Variants in TACC3 observed in about 807,000 individuals in gnomAD.
TACC3 encodes the protein transforming acidic coiled-coil-containing protein 3.
A neutral mutation model predicts 86.0 loss-of-function variants in TACC3; 52 were observed. The ratio of observed to expected loss-of-function variants is 0.60; its 90% CI spans 0.48 to 0.76. The LOEUF is 0.76. Ranked by LOEUF, TACC3 falls within the 30% of genes least tolerant of loss-of-function variation. The probability of loss-of-function intolerance (pLI) is 0.00; values close to 1 mark genes in which losing one functional copy is unlikely to be tolerated. For synonymous variants in TACC3, 512 were observed against 430.0 expected (o/e 1.19, Z -2.36); for missense variants, 1,120 against 1,070.4 (o/e 1.05, Z -0.65).
At chr4:1,737,129 G>A (rs1383080594) in intron 8 of TACC3, 112 bp from the exon 9 acceptor site, 4 of 829,964 alleles carry the variant, frequency 4.8e-6, no homozygotes, top group Middle Eastern at 3.5e-4. Context: ...CCTGACTTGA[G>A]TGGTTTTAAA....
Position 1,744,949 on chromosome 4 carries a change from C to T in TACC3, c.2453C>T (p.Thr818Ile). 2 of 1,612,052 alleles carry T rather than the reference C, an allele frequency of 1.2e-6. No individual in the cohort carries two copies. The highest frequency in any genetic ancestry group is 2.2e-5 in the East Asian group (1 of 44,858). Residue 818 changes from threonine to isoleucine, a missense_variant and splice_region_variant, in exon 16 of 16, where the codon ACT becomes ATT. Transcript: ENST00000313288. ...CCGCAACTCATCTTCCTCCTCCAGA[C>T]TAAAGAGAACGAGGAGCTGACCAGG... The part of the protein sequence containing the change: ...QSLEKTVEQK[T>I]KENEELTRIC...
chr4:1,725,118 T>C (rs1341527711), intron 3 of TACC3, among the ~76,000 whole-genome samples: 2 of 151,704 alleles, frequency 1.3e-5, no homozygotes, highest in African/African-American at 4.8e-5. Context: ...TTTTAGTAAA[T>C]ATGGGGTTTA....
intron 3 of TACC3, 77 bp downstream of exon 3, chr4:1,723,947 G>A (rs1297446300): frequency 6.6e-7 from 1 of 1,512,912 alleles, no homozygotes; most frequent in Middle Eastern, 1.9e-4. Context: ...GTGCTGTCTT[G>A]TTCTATCAGG....
At chr4:1,739,425 G>C in intron 10 of TACC3, 1 of 522,118 alleles carries the variant, frequency 1.9e-6, no homozygotes, top group East Asian at 3.1e-5. Context: ...TGCGGGGGCA[G>C]CTGCAGGGAC....
At chr4:1,730,535 T>G (rs932403968) in intron 4 of TACC3, 1 of 428,154 alleles carries the variant, frequency 2.3e-6, no homozygotes, top group Non-Finnish European at 4.6e-6. Context: ...GGTGGCTTGC[T>G]GCCCACACCT....
At chr4:1,721,515 G>A (rs1401063881), upstream of TACC3, 3 of 152,118 alleles carry the variant, frequency 2.0e-5, no homozygotes, top group Non-Finnish European at 2.9e-5. Flanking sequence ...GCGCGCCGGC[G>A]GCCATCAAGG....
At chr4:1,723,699 T>G (rs545133849) in intron 2 of TACC3, 29 bp from the exon 3 acceptor site, 4 of 1,613,374 alleles carry the variant, frequency 2.5e-6, no homozygotes, top group Non-Finnish European at 3.4e-6. Flanking sequence ...AACTAATGAA[T>G]AGGTGCTCTC....
chr4:1,730,707 G>C, intron 4 of TACC3, 180 bp from the exon 5 acceptor site: 1 of 759,250 alleles, frequency 1.3e-6, no homozygotes, highest in Non-Finnish European at 2.4e-6. Flanking sequence ...GGGTGAGGTT[G>C]GTGAGGCAGT....
chr4:1,744,649 C>T (rs1457583929), intron 14 of TACC3, 25 bp downstream of exon 14: 2 of 1,612,430 alleles, frequency 1.2e-6, no homozygotes, highest in Admixed American at 3.3e-5. Flanking sequence ...AGGCCCCACC[C>T]TGGAGGGAGA....
Position 1,728,826 on chromosome 4 carries a change from A to G in TACC3, c.1385+39A>G, listed in dbSNP as rs986964203. The stretch of plus-strand genomic sequence containing the variant: ...TGGGATGGGGAGCGTGGCGTGGGGC[A>G]GCTGCCCTGCAGTGTATGTGGTCCA... On this transcript the variant is annotated intron_variant, in intron 4 of 15. Coordinates refer to ENST00000313288, the MANE Select transcript of TACC3 (RefSeq NM_006342.3). 8 of 1,552,876 alleles carry G rather than the reference A, an allele frequency of 5.2e-6. No homozygotes were observed. The African/African-American group carries it at 1.1e-4, about 21-fold the overall frequency.
chr4:1,722,382 T>C (rs1214234716), intron 1 of TACC3, among the ~76,000 whole-genome samples: 6 of 152,122 alleles, frequency 3.9e-5, no homozygotes, highest in Non-Finnish European at 8.8e-5. Context: ...GGCGAAAACC[T>C]AAGCGTCGTC....
chr4:1,733,429 G>T (rs895872264), intron 6 of TACC3, among the ~76,000 whole-genome samples: 1 of 152,120 alleles, frequency 6.6e-6, no homozygotes, highest in African/African-American at 2.4e-5. Context: ...GCCGAGGCAG[G>T]ATTGTTTGAG....
rs752622834 is a variant in TACC3, at chr4:1,728,831, C to T, written c.1385+44C>T. The T allele has an allele frequency of 5.2e-6, 8 of 1,543,894 alleles. No homozygotes were observed. In the South Asian group the frequency reaches 9.7e-5, roughly 19 times the overall value. ...TGGGGAGCGTGGCGTGGGGCAGCTGCCCTGCAGTGTATGTGGTCCAGGACC... is the reference window on the plus strand; with the variant it reads ...TGGGGAGCGTGGCGTGGGGCAGCTGTCCTGCAGTGTATGTGGTCCAGGACC... On this transcript the variant is annotated intron_variant, in intron 4 of 15. Coordinates refer to ENST00000313288, the MANE Select transcript of TACC3 (RefSeq NM_006342.3).
chr4:1,744,287 C>T (rs907228414), intron 13 of TACC3, among the ~76,000 whole-genome samples: 1 of 152,244 alleles, frequency 6.6e-6, no homozygotes, highest in African/African-American at 2.4e-5. Context: ...CGTGAGGGCA[C>T]CAGGTTCAGG....
Position 1,727,560 on chromosome 4 carries a change from T to G in TACC3, c.306-148T>G. On this transcript the variant is annotated intron_variant, in intron 3 of 15. Transcript: ENST00000313288. Reference sequence around the variant, plus strand: ...AAGGAACTACATTGAGGAACTGAGGTGGGGGGTGGAGAACGGGAAGCCGTG... The same window carrying G: ...AAGGAACTACATTGAGGAACTGAGGGGGGGGGTGGAGAACGGGAAGCCGTG... The G allele has an allele frequency of 7.0e-6, 9 of 1,276,834 alleles. No individual in the cohort carries two copies. The South Asian group carries it at 1.0e-4, about 15-fold the overall frequency. The allele number at this position is 1,276,834 out of a possible 1,614,324, so 79.1% of individuals were successfully genotyped here.
chr4:1,740,761 C>A, intron 12 of TACC3, 65 bp from the exon 13 acceptor site: 1 of 1,464,602 alleles, frequency 6.8e-7, no homozygotes, highest in Non-Finnish European at 9.3e-7. Context: ...ATTCCTTGGG[C>A]TGTCTCTGGC....
chr4:1,731,487 G>C (rs534927202), intron 6 of TACC3, among the ~76,000 whole-genome samples, 186 bp downstream of exon 6: 2 of 152,144 alleles, frequency 1.3e-5, no homozygotes, highest in East Asian at 3.8e-4. Context: ...AGGAGAGCAG[G>C]GCTCATACCT....
chr4:1,721,875 C>G (rs1459362588), intron 1 of TACC3: 1 of 152,354 alleles, frequency 6.6e-6, no homozygotes, highest in Non-Finnish European at 1.5e-5. Flanking sequence ...CCAGGGGCGG[C>G]TAGAGCTGGG....
intron 9 of TACC3, 32 bp downstream of exon 9, chr4:1,737,360 G>T (rs747041242): frequency 4.4e-6 from 7 of 1,591,154 alleles, no homozygotes; most frequent in South Asian, 1.1e-5. Flanking sequence ...GAACTGTCTT[G>T]TGTGTGGTCT....
Sources: allele counts gnomAD v4.1 joint callset (sites outside exome capture counted in the v4.1 genomes callset), GRCh38; gene constraint gnomAD v4.1.1; transcripts MANE v1.5; gene names NCBI Gene and HGNC (gene_info 2026-07-23, HGNC 2026-07-21).